Variants in LDLRAD4 observed in about 807,000 individuals in gnomAD.
LDLRAD4 encodes the protein low-density lipoprotein receptor class A domain-containing protein 4.
Under a neutral mutation model 17.0 loss-of-function variants are expected in LDLRAD4, and 5 were observed. The observed-to-expected ratio is 0.29, with a 90% CI of 0.15 to 0.62. LDLRAD4 has a LOEUF of 0.62. LDLRAD4 is among the 20% of genes least tolerant of loss of function. LDLRAD4 has a pLI of 0.84. For synonymous variants in LDLRAD4, 168 were observed against 171.8 expected (o/e 0.98, Z 0.17); for missense variants, 340 against 424.7 (o/e 0.80, Z 1.75).
chr18:13,357,418 A>T (rs1251459037), intron 1 of LDLRAD4, among the ~76,000 whole-genome samples: 3 of 152,102 alleles, frequency 2.0e-5, no homozygotes, highest in African/African-American at 7.2e-5. Context: ...TGCAGGAAAA[A>T]AAAAAAAGGA....
At chr18:13,602,910 AAT>A (rs2095180674) in intron 3 of LDLRAD4, among the ~76,000 whole-genome samples, 1 of 152,220 alleles carries the variant, frequency 6.6e-6, no homozygotes, top group African/African-American at 2.4e-5. Context: ...GGTTCCAAGG[AAT>A]CCTATTGGAG....
intron 1 of LDLRAD4, among the ~76,000 whole-genome samples, chr18:13,288,816 C>T (rs111956315): frequency 5.0e-5 from 6 of 119,704 alleles, no homozygotes; most frequent in East Asian, 2.4e-4. Flanking sequence ...CACGGGGCCA[C>T]GGTAGCAGCC....
rs1386817315 is a variant in LDLRAD4, at chr18:13,614,881, C to T, written c.182-6236C>T. The T allele has an allele frequency of 4.6e-5, 7 of 152,208 alleles. No homozygotes were observed. In the East Asian group the frequency reaches 5.8e-4, roughly 13 times the overall value. The allele number at this position is 152,208 out of a possible 1,614,324, so 9.4% of individuals were successfully genotyped here. On this transcript the variant is annotated intron_variant, in intron 3 of 5. Coordinates refer to ENST00000359446, the Ensembl canonical transcript of LDLRAD4. Reference sequence around the variant, plus strand: ...AAGACTGTCATCTCATCACCACACCCGTCTCTGCTGAGGAGGACAGAGACA... The same window carrying T: ...AAGACTGTCATCTCATCACCACACCTGTCTCTGCTGAGGAGGACAGAGACA...
intron 1 of LDLRAD4, among the ~76,000 whole-genome samples, chr18:13,259,129 A>G (rs1304409794): frequency 2.0e-5 from 3 of 152,146 alleles, no homozygotes; most frequent in African/African-American, 4.8e-5. Context: ...TCCTAAGTGA[A>G]AGGGGAATTT....
intron 1 of LDLRAD4, among the ~76,000 whole-genome samples, chr18:13,344,576 A>G (rs1342206212): frequency 6.6e-6 from 1 of 152,092 alleles, no homozygotes; most frequent in African/African-American, 2.4e-5. Context: ...GCTCTTTTTT[A>G]GTTCCATGTG....
intron 1 of LDLRAD4, among the ~76,000 whole-genome samples, chr18:13,272,524 C>T (rs1267481079): frequency 6.6e-6 from 1 of 152,240 alleles, no homozygotes; most frequent in Non-Finnish European, 1.5e-5. Flanking sequence ...CCAGACGGTG[C>T]CTGGCTTTCG....
intron 3 of LDLRAD4, among the ~76,000 whole-genome samples, chr18:13,446,467 G>A (rs1398041381): frequency 6.6e-6 from 1 of 152,148 alleles, no homozygotes; most frequent in Non-Finnish European, 1.5e-5. Flanking sequence ...ACGATTTTTG[G>A]TTTCATGCTG....
chr18:13,294,436 T>A (rs1356436484), intron 1 of LDLRAD4, among the ~76,000 whole-genome samples: 1 of 152,214 alleles, frequency 6.6e-6, no homozygotes, highest in Non-Finnish European at 1.5e-5. Context: ...AAGGATGAGG[T>A]CTGTGGTGGC....
intron 1 of LDLRAD4, among the ~76,000 whole-genome samples, chr18:13,328,924 G>T (rs1050389445): frequency 6.6e-6 from 1 of 152,016 alleles, no homozygotes; most frequent in African/African-American, 2.4e-5. Flanking sequence ...ATAAGTTGTG[G>T]AGTCTATATA....
intron 3 of LDLRAD4, among the ~76,000 whole-genome samples, chr18:13,559,174 T>G (rs984094263): frequency 2.0e-5 from 3 of 152,284 alleles, no homozygotes; most frequent in Non-Finnish European, 2.9e-5. Context: ...CTACTTTCAT[T>G]TTTCCTCAAT....
At chr18:13,573,088 A>AT (rs1229471477) in intron 3 of LDLRAD4, among the ~76,000 whole-genome samples, 1 of 152,038 alleles carries the variant, frequency 6.6e-6, no homozygotes, top group Admixed American at 6.5e-5. Flanking sequence ...CCTTTATTTT[A>AT]TTTTATTTTT....
intron 2 of LDLRAD4, among the ~76,000 whole-genome samples, chr18:13,392,066 C>T (rs1191788280): frequency 6.6e-6 from 1 of 152,170 alleles, no homozygotes; most frequent in Non-Finnish European, 1.5e-5. Flanking sequence ...ATTATTGGGT[C>T]CAAAGATGTG....
At chr18:13,426,768 T>C (rs2145952508) in intron 2 of LDLRAD4, among the ~76,000 whole-genome samples, 1 of 152,318 alleles carries the variant, frequency 6.6e-6, no homozygotes, top group African/African-American at 2.4e-5. Flanking sequence ...CAGTAGAACA[T>C]CCTGCCATCC....
intron 3 of LDLRAD4, among the ~76,000 whole-genome samples, chr18:13,498,072 C>A (rs1267042422): frequency 4.9e-5 from 7 of 142,650 alleles, no homozygotes; most frequent in South Asian, 2.3e-4. Flanking sequence ...ATCCTTCTCG[C>A]CATACACGTC....
chr18:13,246,143 C>T (rs907192733), intron 1 of LDLRAD4, among the ~76,000 whole-genome samples: 4 of 152,200 alleles, frequency 2.6e-5, no homozygotes, highest in East Asian at 1.9e-4. Flanking sequence ...GTGCGAACAA[C>T]GATAAATTCA....
At chr18:13,561,280 C>T (rs1281766495) in intron 3 of LDLRAD4, 5 of 152,138 alleles carry the variant, frequency 3.3e-5, no homozygotes, top group African/African-American at 7.2e-5. Flanking sequence ...AATGGGCTTC[C>T]GTTAACTTAT....
At chr18:13,372,211 G>A (rs907888138) in intron 1 of LDLRAD4, among the ~76,000 whole-genome samples, 4 of 152,258 alleles carry the variant, frequency 2.6e-5, no homozygotes, top group Admixed American at 1.3e-4. Context: ...CCCTCAGGAA[G>A]TGCTGGCAGC....
rs558405549 is a variant in LDLRAD4 at position 13,582,304 on chromosome 18, G to A, written c.182-38813G>A. On this transcript the variant is annotated intron_variant, in intron 3 of 5. Transcript: ENST00000359446. Reference sequence around the variant, plus strand: ...GGGAGTGAAGGAGAAAGATGAATGTGTATATCAGTTCTGTGTGCACTGTGC... The same window carrying A: ...GGGAGTGAAGGAGAAAGATGAATGTATATATCAGTTCTGTGTGCACTGTGC... 3.9e-5 allele frequency among the ~76,000 whole-genome samples: 6 copies of A among 152,368 alleles called. No homozygotes were observed. In the South Asian group the frequency reaches 1.2e-3, roughly 32 times the overall value.
intron 3 of LDLRAD4, among the ~76,000 whole-genome samples, chr18:13,575,218 T>A (rs1362010942): frequency 6.6e-6 from 1 of 152,180 alleles, no homozygotes. Context: ...CTTTTATCCC[T>A]CACTTACCTC....
Sources: gnomAD v4.1 joint callset for allele counts (sites outside exome capture counted in the v4.1 genomes callset) on GRCh38, gnomAD v4.1.1 for gene constraint, MANE v1.5 for transcripts, NCBI Gene and HGNC (gene_info 2026-07-23, HGNC 2026-07-21) for gene names.